Variants in CMIP observed in about 807,000 individuals in gnomAD.
CMIP encodes the protein C-Maf-inducing protein.
A neutral mutation model predicts 97.3 loss-of-function variants in CMIP; 13 were observed. The observed-to-expected ratio is 0.13, with a 90% CI of 0.09 to 0.21. The LOEUF is 0.21. Ranked by LOEUF, CMIP falls within the 10% of genes least tolerant of loss-of-function variation. The pLI is 1.00. For synonymous variants in CMIP, 538 were observed against 436.3 expected (o/e 1.23, Z -2.91); for missense variants, 847 against 1,024.9 (o/e 0.83, Z 2.37).
At position 81,559,141 on chromosome 16, in the gene CMIP, G is replaced by A. The variant is rs569866634; in HGVS notation, c.301-48426G>A. Among the ~76,000 whole-genome samples, 13 of 150,424 alleles carry A rather than the reference G, an allele frequency of 8.6e-5. No homozygotes were observed. The South Asian group carries it at 2.8e-3, about 32-fold the overall frequency. The stretch of plus-strand genomic sequence containing the variant: ...TGGCCTCCACAGGCCGGGCATGCTG[G>A]GCAGAAGAAGAGGGTGGCGCTTTTT... On this transcript the variant is annotated intron_variant, in intron 1 of 20. Coordinates refer to ENST00000537098, the MANE Select transcript of CMIP (RefSeq NM_198390.3).
Position 81,701,762 on chromosome 16 carries a change from G to A in CMIP, c.1858G>A (p.Glu620Lys). ...CACAGACGTGGGGAAGCGCATGTACGAGCAGCTGTGTGACCGGCAGCGGGA... is the reference window on the plus strand; with the variant it reads ...CACAGACGTGGGGAAGCGCATGTACAAGCAGCTGTGTGACCGGCAGCGGGA... ...ESTDVGKRMYEQLCDRQRELK... is the reference protein window; with the variant it reads ...ESTDVGKRMYKQLCDRQRELK... The change falls in exon 16 of 21, where the codon GAG becomes AAG. Residue 620 changes from glutamate to lysine, a missense_variant. Glu to Lys is a moderately conservative substitution (Grantham distance 56, BLOSUM62 1). Coordinates refer to ENST00000537098, the MANE Select transcript of CMIP (RefSeq NM_198390.3). 1.2e-6 allele frequency: 2 copies of A among 1,613,816 alleles called. No homozygotes were observed. Among genetic ancestry groups the A allele is most frequent in the South Asian group, 1.1e-5 (1 of 91,080 alleles).
intron 1 of CMIP, among the ~76,000 whole-genome samples, chr16:81,506,355 C>G (rs1403154169): frequency 6.6e-6 from 1 of 152,120 alleles, no homozygotes; most frequent in African/African-American, 2.4e-5. Context: ...TTCACAAAGC[C>G]CTGCTGAGAT....
chr16:81,486,600 C>T (rs1056782950), intron 1 of CMIP, among the ~76,000 whole-genome samples: 2 of 152,188 alleles, frequency 1.3e-5, no homozygotes, highest in African/African-American at 4.8e-5. Context: ...GCAGAGTTTC[C>T]GGGTGTCCTC....
intron 1 of CMIP, among the ~76,000 whole-genome samples, chr16:81,488,019 A>C (rs1392136484): frequency 2.6e-5 from 4 of 152,052 alleles, no homozygotes; most frequent in Non-Finnish European, 4.4e-5. Context: ...TACTTTAATT[A>C]TTATTTTATT....
intron 1 of CMIP, among the ~76,000 whole-genome samples, chr16:81,482,893 T>C (rs1291737617): frequency 6.6e-6 from 1 of 152,182 alleles, no homozygotes; most frequent in Non-Finnish European, 1.5e-5. Flanking sequence ...ACGCTGTTGG[T>C]GCACAGGCAT....
intron 1 of CMIP, among the ~76,000 whole-genome samples, chr16:81,479,867 A>G (rs955121899): frequency 2.6e-5 from 4 of 152,174 alleles, no homozygotes; most frequent in Non-Finnish European, 4.4e-5. Flanking sequence ...TAGGCCCTCT[A>G]CAAATGTATG....
intron 1 of CMIP, among the ~76,000 whole-genome samples, chr16:81,579,408 C>T (rs1199406394): frequency 2.0e-5 from 3 of 152,210 alleles, no homozygotes; most frequent in Non-Finnish European, 4.4e-5. Context: ...CAAAACAGCC[C>T]TCCAGACCTC....
At chr16:81,615,391 T>TGTGTGTG (rs1388542394) in intron 2 of CMIP, among the ~76,000 whole-genome samples, 1 of 147,938 alleles carries the variant, frequency 6.8e-6, no homozygotes, top group African/African-American at 2.5e-5. Context: ...GTGTATGGTG[T>TGTGTGTG]GTGTGTGGTG....
intron 1 of CMIP, among the ~76,000 whole-genome samples, chr16:81,554,497 C>T (rs1156281720): frequency 2.0e-5 from 3 of 152,220 alleles, no homozygotes; most frequent in African/African-American, 7.2e-5. Context: ...GCTGCAGAAC[C>T]GTTCACAACA....
intron 11 of CMIP, among the ~76,000 whole-genome samples, chr16:81,692,364 G>T (rs542264924): frequency 6.6e-6 from 1 of 152,296 alleles, no homozygotes; most frequent in South Asian, 2.1e-4. Flanking sequence ...TCTCTTGCCG[G>T]CCCCTAGCAC....
At chr16:81,494,459 G>A (rs1286509836) in intron 1 of CMIP, among the ~76,000 whole-genome samples, 1 of 152,170 alleles carries the variant, frequency 6.6e-6, no homozygotes, top group Non-Finnish European at 1.5e-5. Flanking sequence ...CCTGGGAAGG[G>A]CCTTCTCTAG....
chr16:81,498,038 A>G (rs911792494), intron 1 of CMIP, among the ~76,000 whole-genome samples: 2 of 152,200 alleles, frequency 1.3e-5, no homozygotes, highest in African/African-American at 4.8e-5. Flanking sequence ...TCATTCATTC[A>G]TGCATGCATG....
chr16:81,671,834 T>G (rs947049924), intron 8 of CMIP, 132 bp from the exon 9 acceptor site: 1 of 571,378 alleles, frequency 1.8e-6, no homozygotes, highest in Non-Finnish European at 3.2e-6. Flanking sequence ...GTGAAGGCTC[T>G]CAGAGCCCCC....
chr16:81,578,759 A>C (rs73596494), intron 1 of CMIP, among the ~76,000 whole-genome samples: 1 of 152,306 alleles, frequency 6.6e-6, no homozygotes, highest in African/African-American at 2.4e-5. Flanking sequence ...ATGGCCTGGA[A>C]GCAGCCAACA....
At chr16:81,534,637 T>C (rs1597519248) in intron 1 of CMIP, among the ~76,000 whole-genome samples, 2 of 123,050 alleles carry the variant, frequency 1.6e-5, no homozygotes, top group East Asian at 4.1e-4. Flanking sequence ...GAGCAAACAT[T>C]CCCCATAAAA....
At chr16:81,446,127 T>G (rs990179537) in intron 1 of CMIP, among the ~76,000 whole-genome samples, 1 of 151,436 alleles carries the variant, frequency 6.6e-6, no homozygotes, top group East Asian at 1.9e-4. Context: ...CATTCGCACA[T>G]TGAGAGGTTG....
intron 1 of CMIP, among the ~76,000 whole-genome samples, chr16:81,577,463 A>T (rs1489960476): frequency 1.0e-5 from 1 of 96,828 alleles, no homozygotes; most frequent in African/African-American, 2.7e-5. Context: ...CACCACCATC[A>T]TCCCCATTAC....
intron 9 of CMIP, among the ~76,000 whole-genome samples, chr16:81,673,883 C>A (rs1490064894): frequency 6.6e-6 from 1 of 152,192 alleles, no homozygotes; most frequent in Non-Finnish European, 1.5e-5. Flanking sequence ...TGAGTCCAGA[C>A]CCCACCAGAG....
At chr16:81,645,829 G>C in intron 3 of CMIP, 1 of 581,036 alleles carries the variant, frequency 1.7e-6, no homozygotes, top group Non-Finnish European at 3.1e-6. Context: ...ACTGAGCTAA[G>C]TGTTTTATAT....
Sources: allele counts gnomAD v4.1 joint callset (sites outside exome capture counted in the v4.1 genomes callset), GRCh38; gene constraint gnomAD v4.1.1; transcripts MANE v1.5; gene names NCBI Gene and HGNC (gene_info 2026-07-23, HGNC 2026-07-21).